NAV2: variants seen among roughly 807,000 people sequenced by gnomAD.
NAV2 encodes neuron navigator 2, also known as helicase, APC down-regulated 1.
Under a neutral mutation model 223.2 loss-of-function variants are expected in NAV2, and 54 were observed. That is an observed-to-expected ratio of 0.24 (90% CI 0.19 to 0.30). The LOEUF (loss-of-function observed/expected upper bound fraction) is 0.30, where lower values mean the gene tolerates loss of function less well. Among genes scored for constraint, NAV2 ranks in the 10% least tolerant of loss-of-function variants. The pLI, the probability that NAV2 is intolerant of heterozygous loss-of-function variation, is 1.00. For missense variants in NAV2, 2,806 were observed against 3,147.5 expected (o/e 0.89, Z 2.60); for synonymous variants, 1,279 against 1,239.3 (o/e 1.03, Z -0.67).
chr11:19,920,579 G>T (rs536656312), intron 6 of NAV2, among the ~76,000 whole-genome samples: 2 of 152,170 alleles, frequency 1.3e-5, no homozygotes, highest in Non-Finnish European at 2.9e-5. Context: ...GAGTCACCGA[G>T]CCCGGCTAAA....
intron 3 of NAV2, among the ~76,000 whole-genome samples, chr11:19,865,052 A>G (rs975618312): frequency 7.2e-5 from 11 of 152,218 alleles, no homozygotes; most frequent in African/African-American, 2.7e-4. Context: ...GTCAGACTTC[A>G]TACAGATTTT....
chr11:19,926,012 T>C (rs765323112), intron 6 of NAV2, among the ~76,000 whole-genome samples: 1 of 152,204 alleles, frequency 6.6e-6, no homozygotes, highest in East Asian at 1.9e-4. Context: ...TCAGAAAGTG[T>C]GAGGCCTCCA....
At chr11:19,549,782 AAGCTGCACCATG>A (rs528162611) in intron 1 of NAV2, among the ~76,000 whole-genome samples, 94 of 152,330 alleles carry the variant, frequency 6.2e-4, no homozygotes, top group African/African-American at 2.1e-3. Context: ...CCAAGAAACC[AAGCTGCACCATG>A]AGCATTAGGT....
chr11:19,544,124 A>T (rs1257858694), intron 1 of NAV2, among the ~76,000 whole-genome samples: 1 of 152,220 alleles, frequency 6.6e-6, no homozygotes, highest in Non-Finnish European at 1.5e-5. Context: ...TACATCTTGG[A>T]TTGCTAAAAA....
At chr11:19,756,463 G>C (rs1040535151) in intron 1 of NAV2, among the ~76,000 whole-genome samples, 15 of 152,148 alleles carry the variant, frequency 9.9e-5, no homozygotes, top group Non-Finnish European at 1.5e-4. Context: ...TGGACTGCGC[G>C]CAAGGGGCAG....
At chr11:19,806,769 C>G (rs2058588580) in intron 1 of NAV2, among the ~76,000 whole-genome samples, 1 of 152,196 alleles carries the variant, frequency 6.6e-6, no homozygotes, top group Non-Finnish European at 1.5e-5. Flanking sequence ...AACACTTAAG[C>G]CTCGCTGTCC....
chr11:19,697,145 G>A (rs1446597710), intron 1 of NAV2, among the ~76,000 whole-genome samples: 1 of 152,200 alleles, frequency 6.6e-6, no homozygotes, highest in Non-Finnish European at 1.5e-5. Context: ...GGTGGAGCTG[G>A]AGGTCATTAT....
At chr11:19,971,267 T>C (rs1393826894) in intron 10 of NAV2, among the ~76,000 whole-genome samples, 1 of 152,072 alleles carries the variant, frequency 6.6e-6, no homozygotes, top group Non-Finnish European at 1.5e-5. Context: ...TTATGTGGTA[T>C]GTGCCAAGCT....
intron 24 of NAV2, 91 bp downstream of exon 24, chr11:20,078,195 A>G: frequency 1.1e-6 from 1 of 902,364 alleles, no homozygotes; most frequent in South Asian, 1.5e-5. Context: ...CCTTGCTAGA[A>G]GACAGTGTCT....
intron 1 of NAV2, among the ~76,000 whole-genome samples, chr11:19,536,168 G>A (rs1565027322): frequency 6.6e-6 from 1 of 152,188 alleles, no homozygotes; most frequent in Admixed American, 6.5e-5. Flanking sequence ...GCCATCTAAT[G>A]AGGTGTAAGC....
chr11:19,485,296 C>A (rs75419536), intron 1 of NAV2, among the ~76,000 whole-genome samples: 106 of 152,266 alleles, frequency 7.0e-4, no homozygotes, highest in Middle Eastern at 6.8e-3. Context: ...AAGGCTCTGT[C>A]TAGCCCTGAC....
intron 6 of NAV2, among the ~76,000 whole-genome samples, chr11:19,899,337 A>G (rs1323240659): frequency 6.6e-6 from 1 of 152,178 alleles, no homozygotes; most frequent in Non-Finnish European, 1.5e-5. Flanking sequence ...TGGTTGGCAA[A>G]CCAAGTTATT....
chr11:19,921,809 G>A (rs1458833507), intron 6 of NAV2, among the ~76,000 whole-genome samples: 2 of 152,208 alleles, frequency 1.3e-5, no homozygotes, highest in African/African-American at 4.8e-5. Context: ...TGGATTTATA[G>A]CACGAATAAA....
At chr11:20,044,940 A>C (rs746477187) in intron 13 of NAV2, 28 bp from the exon 14 acceptor site, 8 of 1,560,228 alleles carry the variant, frequency 5.1e-6, no homozygotes, top group Non-Finnish European at 6.9e-6. Context: ...CTTGGCTTGC[A>C]GGCTAATCTT....
intron 1 of NAV2, among the ~76,000 whole-genome samples, chr11:19,746,729 G>A (rs925078103): frequency 5.9e-5 from 9 of 151,306 alleles, no homozygotes; most frequent in Non-Finnish European, 8.8e-5. Context: ...CATTCACCTC[G>A]TATTGCCCCA....
intron 1 of NAV2, among the ~76,000 whole-genome samples, chr11:19,501,317 G>A (rs2702656): frequency 0.8 from 121,746 of 152,124 alleles, 49,434 homozygotes; most frequent in Non-Finnish European, 0.88. Context: ...CAACTAGGGT[G>A]TGGTTATCTT....
chr11:19,776,917 G>C (rs1425876138), intron 1 of NAV2, among the ~76,000 whole-genome samples: 3 of 151,900 alleles, frequency 2.0e-5, no homozygotes, highest in Admixed American at 1.3e-4. Flanking sequence ...TTCTGCCCAA[G>C]GCTCTCCCTA....
intron 1 of NAV2, among the ~76,000 whole-genome samples, chr11:19,635,617 G>A (rs751205541): frequency 3.3e-5 from 5 of 152,200 alleles, no homozygotes; most frequent in African/African-American, 4.8e-5. Flanking sequence ...AGATCACATA[G>A]CAAGAGAGGA....
chr11:19,580,290 C>T (rs1028041598), intron 1 of NAV2, among the ~76,000 whole-genome samples: 1 of 152,090 alleles, frequency 6.6e-6, no homozygotes, highest in African/African-American at 2.4e-5. Flanking sequence ...AGGAAAAGAA[C>T]ATGGTGCTTG....
Sources: gnomAD v4.1 joint callset for allele counts (sites outside exome capture counted in the v4.1 genomes callset) on GRCh38, gnomAD v4.1.1 for gene constraint, MANE v1.5 for transcripts, NCBI Gene and HGNC (gene_info 2026-07-23, HGNC 2026-07-21) for gene names.